Variants in BRCA1 observed in about 807,000 individuals in gnomAD.
BRCA1 encodes BRCA1 DNA repair associated, also known as breast cancer type 1 susceptibility protein.
BRCA1 carries 140 observed loss-of-function variants against 173.7 expected under a neutral mutation model. That is an observed-to-expected ratio of 0.81 (90% CI 0.70 to 0.93). BRCA1 has a LOEUF of 0.93. Among genes scored for constraint, BRCA1 ranks in the 40% least tolerant of loss-of-function variants. The pLI is 0.00. For missense variants in BRCA1, 1,983 were observed against 2,172.5 expected (o/e 0.91, Z 1.73); for synonymous variants, 662 against 756.0 (o/e 0.88, Z 2.04).
At position 43,056,288 on chromosome 17, in the gene BRCA1, C is replaced by T. The variant is rs112757145; in HGVS notation, c.5277+764G>A. Among the ~76,000 whole-genome samples the T allele has an allele frequency of 4.7e-3, 706 of 151,788 alleles. 10 individuals carry two copies. The highest frequency in any genetic ancestry group is 0.016 in the African/African-American group (654 of 41,374). ...TCTTGGGCTCAAGAGATACTCTCAA[C>T]TCAGCCTTCCGAGTAGCTGGAACTA... is the stretch of plus-strand genomic sequence containing the variant. On this transcript the variant is annotated intron_variant, in intron 19 of 22. Transcript: ENST00000357654.
At chr17:43,105,215 C>CATTG (rs2054709689) in intron 4 of BRCA1, among the ~76,000 whole-genome samples, 1 of 152,038 alleles carries the variant, frequency 6.6e-6, no homozygotes, top group Non-Finnish European at 1.5e-5. Flanking sequence ...AGATATAATG[C>CATTG]ATTGCATAGA....
rs587781613 is a variant in BRCA1, at chr17:43,093,718, C to G, written c.1813G>C (p.Ala605Pro). Reference protein sequence around the residue: ...ELELNIHNSKAPKKNRLRRKS... With the variant: ...ELELNIHNSKPPKKNRLRRKS... ...CTCCTCAGCCTATTCTTTTTAGGTG[C>G]TTTTGAATTGTGGATATTTAATTCG... The change falls in exon 10 of 23, where the codon GCA becomes CCA. Residue 605 changes from alanine (A) to proline (P), a missense_variant. Physicochemically the swap from Ala to Pro is conservative, Grantham distance 27 (BLOSUM62 -1). Coordinates refer to ENST00000357654, the MANE Select transcript of BRCA1 (RefSeq NM_007294.4). 6.2e-7 allele frequency: 1 copy of G among 1,614,000 alleles called. No homozygotes were observed. The highest frequency in any genetic ancestry group is 1.7e-5 in the Admixed American group (1 of 60,000).
intron 1 of BRCA1, among the ~76,000 whole-genome samples, chr17:43,141,834 G>A (rs1483297692): frequency 6.6e-6 from 1 of 152,060 alleles, no homozygotes; most frequent in African/African-American, 2.4e-5. Context: ...GTGAAATTAT[G>A]TAAATATGCC....
chr17:43,152,116 G>C (rs1025650624), intron 1 of BRCA1, among the ~76,000 whole-genome samples: 1 of 152,202 alleles, frequency 6.6e-6, no homozygotes, highest in Non-Finnish European at 1.5e-5. Flanking sequence ...TTTGAAATCA[G>C]CACCACCACA....
chr17:43,079,633 T>C (rs2052909687), intron 12 of BRCA1: 2 of 847,860 alleles, frequency 2.4e-6, no homozygotes, highest in Admixed American at 1.7e-5. Flanking sequence ...TGAAGGAAAA[T>C]GATCAGAAAA....
chr17:43,064,567 T>G (rs1021127345), intron 16 of BRCA1, among the ~76,000 whole-genome samples: 1 of 152,138 alleles, frequency 6.6e-6, no homozygotes. Flanking sequence ...CTAAGCAAAC[T>G]AAGGAAAGAC....
rs1331239616 is a variant in BRCA1 at position 43,045,376 on chromosome 17, T to G, written c.*302A>C. Reference sequence around the variant, plus strand: ...ACAGCCTGAATAGAAAGAATAGGGCTGATAAATAATGAATCAGCATCTTGC... The same window carrying G: ...ACAGCCTGAATAGAAAGAATAGGGCGGATAAATAATGAATCAGCATCTTGC... On this transcript the variant is annotated 3_prime_UTR_variant, in exon 23 of 23. Transcript: ENST00000357654. The G allele has an allele frequency of 1.5e-5, 9 of 613,212 alleles. No homozygotes were observed. Among genetic ancestry groups the G allele is most frequent in the Non-Finnish European group, 2.7e-5 (9 of 329,148 alleles). 38.0% of individuals were successfully genotyped at this position (613,212 alleles called of 1,614,324 possible).
At chr17:43,078,669 G>A (rs1436103670) in intron 12 of BRCA1, among the ~76,000 whole-genome samples, 1 of 152,122 alleles carries the variant, frequency 6.6e-6, no homozygotes, top group East Asian at 1.9e-4. Context: ...AGCCTGGGGG[G>A]AAATAATCAT....
At position 43,044,392 on chromosome 17, in the gene BRCA1, G is replaced by A. The variant is rs548275991; in HGVS notation, c.*1286C>T. ...AAGTCTTCACTGCCCTTGCACACTG[G>A]GGGGGCTAGGGAAGACCTAGTCCTT... On this transcript the variant is annotated 3_prime_UTR_variant, in exon 23 of 23. Coordinates refer to ENST00000357654, the MANE Select transcript of BRCA1 (RefSeq NM_007294.4). 4 of 505,894 alleles carry A rather than the reference G, an allele frequency of 7.9e-6. No homozygotes were observed. Among genetic ancestry groups the A allele is most frequent in the Non-Finnish European group, 1.6e-5 (4 of 258,012 alleles). 31.3% of individuals were successfully genotyped at this position (505,894 alleles called of 1,614,324 possible).
chr17:43,152,756 G>A (rs1264245243), intron 1 of BRCA1, among the ~76,000 whole-genome samples: 2 of 152,160 alleles, frequency 1.3e-5, no homozygotes, highest in African/African-American at 2.4e-5. Flanking sequence ...TTGGGAGGCT[G>A]AGGCAGGACA....
At chr17:43,112,489 G>A (rs2154561975) in intron 3 of BRCA1, 1 of 152,248 alleles carries the variant, frequency 6.6e-6, no homozygotes, top group Admixed American at 6.5e-5. Context: ...CCATGTACCT[G>A]TAGTCCTAGC....
At position 43,061,609 on chromosome 17, in the gene BRCA1, G is replaced by T. The variant is rs8176269; in HGVS notation, c.5193+1724C>A. On this transcript the variant is annotated intron_variant, in intron 18 of 22. Transcript: ENST00000357654. ...ACTTTTTTTTTTTTTTTAAGACAGG[G>T]TCTCATTCTGTCTCACAGGCTGGAG... 0.3 allele frequency among the ~76,000 whole-genome samples: 44,458 copies of T among 150,474 alleles called. 7,132 individuals carry two copies. Among genetic ancestry groups the T allele is most frequent in the South Asian group, 0.49 (2,353 of 4,768 alleles).
chr17:43,120,751 C>G (rs1439003756), intron 2 of BRCA1, among the ~76,000 whole-genome samples: 2 of 151,136 alleles, frequency 1.3e-5, no homozygotes, highest in African/African-American at 2.4e-5. Context: ...GGTGAAAGAG[C>G]GAGACTCCGT....
chr17:43,065,262 G>A (rs1165658747), intron 16 of BRCA1, among the ~76,000 whole-genome samples: 1 of 152,098 alleles, frequency 6.6e-6, no homozygotes, highest in Non-Finnish European at 1.5e-5. Context: ...ACTACCCTCT[G>A]ACCCTGTGGT....
At chr17:43,157,669 C>T (rs1033504344) in intron 1 of BRCA1, among the ~76,000 whole-genome samples, 3 of 151,260 alleles carry the variant, frequency 2.0e-5, no homozygotes, top group Non-Finnish European at 2.9e-5. Flanking sequence ...GTACTCCAGC[C>T]TGGGCAACAG....
At chr17:43,124,153 TA>T in intron 1 of BRCA1, 38 bp from the exon 2 acceptor site, 2 of 1,182,810 alleles carry the variant, frequency 1.7e-6, no homozygotes, top group Non-Finnish European at 2.4e-6. Flanking sequence ...TATATCTTTT[TA>T]AAAGGTTTAT....
intron 2 of BRCA1, among the ~76,000 whole-genome samples, chr17:43,122,991 A>AGTTT (rs1042052266): frequency 6.6e-6 from 1 of 151,800 alleles, no homozygotes; most frequent in African/African-American, 2.4e-5. Flanking sequence ...CGGGAGGCAG[A>AGTTT]GTTTGCAGTG....
chr17:43,047,292 G>A (rs2050954708), intron 22 of BRCA1, among the ~76,000 whole-genome samples: 1 of 151,866 alleles, frequency 6.6e-6, no homozygotes, highest in East Asian at 1.9e-4. Flanking sequence ...TACAGATGAA[G>A]TCTCCTTATG....
At chr17:43,100,666 ATATATATATATAAT>A (rs1567807556) in intron 6 of BRCA1, among the ~76,000 whole-genome samples, 1 of 3,556 alleles carries the variant, frequency 2.8e-4, no homozygotes, top group East Asian at 6.1e-3. Flanking sequence ...ACATATATAT[ATATATATATATAAT>A]ATATATATAT....
Sources: allele counts gnomAD v4.1 joint callset (sites outside exome capture counted in the v4.1 genomes callset), GRCh38; gene constraint gnomAD v4.1.1; transcripts MANE v1.5; gene names NCBI Gene and HGNC (gene_info 2026-07-23, HGNC 2026-07-21).